Variants in SLMAP observed in about 807,000 individuals in gnomAD.
The protein encoded by SLMAP is sarcolemma associated protein.
Under a neutral mutation model 128.8 loss-of-function variants are expected in SLMAP, and 44 were observed. That is an observed-to-expected ratio of 0.34 (90% confidence interval 0.27 to 0.44). The LOEUF (loss-of-function observed/expected upper bound fraction) is 0.44. SLMAP is among the 20% of genes least tolerant of loss of function. The probability of loss-of-function intolerance (pLI) is 1.00; values close to 1 mark genes in which losing one functional copy is unlikely to be tolerated. For synonymous variants in SLMAP, 327 were observed against 348.8 expected, an observed-to-expected ratio of 0.94 and a Z score of 0.70; for missense variants, 787 against 985.3, an observed-to-expected ratio of 0.80 and a Z score of 2.69.
chr3:57,898,939 A>G (rs907561993), intron 17 of SLMAP: 8 of 152,194 alleles, frequency 5.3e-5, no homozygotes, highest in Non-Finnish European at 1.0e-4. Flanking sequence ...AAGGGTGTGC[A>G]TGGACCACTT....
chr3:57,818,736 A>G (rs1398375905), intron 2 of SLMAP, among the ~76,000 whole-genome samples: 2 of 152,226 alleles, frequency 1.3e-5, no homozygotes, highest in Non-Finnish European at 2.9e-5. Flanking sequence ...TAGTGAAAGA[A>G]ATCAGCAATG....
intron 2 of SLMAP, among the ~76,000 whole-genome samples, chr3:57,775,012 G>A (rs1478731814): frequency 2.0e-5 from 3 of 151,894 alleles, no homozygotes; most frequent in Non-Finnish European, 4.4e-5. Flanking sequence ...AATATTTGGA[G>A]TTTTGGTATC....
Position 57,928,089 on chromosome 3 carries a change from T to G in SLMAP, c.*800T>G, listed in dbSNP as rs142670903. The stretch of plus-strand genomic sequence containing the variant: ...AAAAACTTTCCATGAGAGTGTATTT[T>G]CTTGAGCAAACTGAAGTATTTCTGG... On this transcript the variant is annotated 3_prime_UTR_variant, in exon 25 of 25. Coordinates refer to ENST00000671191, the MANE Select transcript of SLMAP (RefSeq NM_001377540.1). The G allele has an allele frequency of 4.3e-4, 66 of 152,700 alleles. No individual in the cohort carries two copies. The highest frequency in any genetic ancestry group is 1.5e-3 in the African/African-American group (64 of 41,554). 9.5% of individuals were successfully genotyped at this position (152,700 alleles called of 1,614,324 possible).
chr3:57,917,122 A>G, intron 22 of SLMAP, 45 bp downstream of exon 22: 1 of 1,611,604 alleles, frequency 6.2e-7, no homozygotes, highest in South Asian at 1.1e-5. Context: ...TTGGACTTAA[A>G]GCCAAAAGCA....
At chr3:57,847,710 A>G (rs769398153) in intron 5 of SLMAP, among the ~76,000 whole-genome samples, 2 of 152,162 alleles carry the variant, frequency 1.3e-5, no homozygotes, top group Non-Finnish European at 1.5e-5. Context: ...GCTAGAAAGC[A>G]TTTTTCTTTT....
chr3:57,764,435 G>A (rs2079257324), intron 2 of SLMAP, among the ~76,000 whole-genome samples: 1 of 151,330 alleles, frequency 6.6e-6, no homozygotes, highest in South Asian at 2.1e-4. Context: ...CCAGGAAGCG[G>A]AGGTTGCAGT....
intron 4 of SLMAP, among the ~76,000 whole-genome samples, chr3:57,844,248 G>T (rs1262894838): frequency 6.6e-6 from 1 of 151,976 alleles, no homozygotes; most frequent in Non-Finnish European, 1.5e-5. Context: ...CAAAAAATTA[G>T]CCGGGCGTGG....
At chr3:57,884,896 T>G (rs1489433398) in intron 14 of SLMAP, among the ~76,000 whole-genome samples, 1 of 152,166 alleles carries the variant, frequency 6.6e-6, no homozygotes, top group African/African-American at 2.4e-5. Flanking sequence ...CAAATGCATG[T>G]AAGACTTTGT....
At chr3:57,833,014 A>G (rs573976773) in intron 3 of SLMAP, among the ~76,000 whole-genome samples, 43 of 152,194 alleles carry the variant, frequency 2.8e-4, no homozygotes, top group Non-Finnish European at 5.3e-4. Context: ...GCAAACAGTA[A>G]ACCGAGCTCA....
At chr3:57,794,800 C>T (rs574915755) in intron 2 of SLMAP, among the ~76,000 whole-genome samples, 1 of 152,284 alleles carries the variant, frequency 6.6e-6, no homozygotes, top group African/African-American at 2.4e-5. Flanking sequence ...AGATAGCTAC[C>T]ACATTTTATT....
intron 14 of SLMAP, among the ~76,000 whole-genome samples, chr3:57,881,658 G>C (rs1432379525): frequency 6.6e-6 from 1 of 152,002 alleles, no homozygotes; most frequent in Non-Finnish European, 1.5e-5. Flanking sequence ...GGGTTTCACA[G>C]TGTTGGCCAG....
intron 19 of SLMAP, among the ~76,000 whole-genome samples, chr3:57,910,163 C>G (rs1313062022): frequency 6.6e-6 from 1 of 151,538 alleles, no homozygotes; most frequent in African/African-American, 2.4e-5. Context: ...ATCTAATGCT[C>G]AGAACACACT....
chr3:57,907,397 A>G (rs1325532224), intron 17 of SLMAP, among the ~76,000 whole-genome samples: 4 of 152,330 alleles, frequency 2.6e-5, no homozygotes, highest in African/African-American at 7.2e-5. Context: ...CTTTCAGCCT[A>G]GTTTTTATTT....
intron 15 of SLMAP, among the ~76,000 whole-genome samples, chr3:57,893,884 T>G (rs6445932): frequency 0.33 from 50,510 of 151,992 alleles, 8,979 homozygotes; most frequent in East Asian, 0.48. Context: ...ACTTCTAATC[T>G]AAGTTCCCCG....
At chr3:57,877,121 T>C (rs1446902676) in intron 14 of SLMAP, among the ~76,000 whole-genome samples, 2 of 152,206 alleles carry the variant, frequency 1.3e-5, no homozygotes, top group Middle Eastern at 3.2e-3. Context: ...TTTTTGTTGT[T>C]ATTAGTTTAA....
chr3:57,906,695 AT>A, intron 17 of SLMAP, among the ~76,000 whole-genome samples: 1 of 140,814 alleles, frequency 7.1e-6, no homozygotes, highest in Non-Finnish European at 1.6e-5. Flanking sequence ...ATATATATAT[AT>A]ATATAATTTC....
chr3:57,795,296 G>A (rs1428882987), intron 2 of SLMAP, among the ~76,000 whole-genome samples: 2 of 152,106 alleles, frequency 1.3e-5, no homozygotes, highest in Non-Finnish European at 2.9e-5. Flanking sequence ...TCCCAGCACT[G>A]TGGGAAGCTG....
At chr3:57,866,392 T>TTTTGG (rs2095305159) in intron 13 of SLMAP, among the ~76,000 whole-genome samples, 1 of 152,160 alleles carries the variant, frequency 6.6e-6, no homozygotes, top group African/African-American at 2.4e-5. Flanking sequence ...TTTGGTTCTT[T>TTTTGG]TTTGGTTTGG....
At chr3:57,869,520 G>T (rs2095416672) in intron 13 of SLMAP, among the ~76,000 whole-genome samples, 1 of 150,120 alleles carries the variant, frequency 6.7e-6, no homozygotes, top group Non-Finnish European at 1.5e-5. Context: ...GGGAGGCTAA[G>T]GTAGGAGGAT....
Sources: gnomAD v4.1 joint callset for allele counts (sites outside exome capture counted in the v4.1 genomes callset) on GRCh38, gnomAD v4.1.1 for gene constraint, MANE v1.5 for transcripts, NCBI Gene and HGNC (gene_info 2026-07-23, HGNC 2026-07-21) for gene names.